TMC8: variants seen among roughly 807,000 people sequenced by gnomAD.
TMC8 encodes the protein transmembrane channel like 8, also known as transmembrane channel-like protein 8.
Under a neutral mutation model 76.0 loss-of-function variants are expected in TMC8, and 71 were observed. That is an observed-to-expected ratio of 0.93 (90% CI 0.77 to 1.14). The LOEUF (loss-of-function observed/expected upper bound fraction) is 1.14, where lower values mean the gene tolerates loss of function less well. TMC8 is among the 50% of genes most tolerant of loss of function. TMC8 has a pLI of 0.00. For missense variants in TMC8, 924 were observed against 947.9 expected, an observed-to-expected ratio of 0.97 and a Z score of 0.33; for synonymous variants, 433 against 433.8, an observed-to-expected ratio of 1.00 and a Z score of 0.02.
At chr17:78,132,708 G>A (rs1346742616) in intron 4 of TMC8, 80 bp from the exon 5 acceptor site, 7 of 1,556,204 alleles carry the variant, frequency 4.5e-6, no homozygotes, top group Non-Finnish European at 6.2e-6. Context: ...CCCCAGGGTT[G>A]GGGGTTATAG....
Position 78,131,623 on chromosome 17 carries a change from C to T in TMC8, c.35C>T (p.Ala12Val), listed in dbSNP as rs748499539. 2.4e-5 allele frequency: 38 copies of T among 1,551,320 alleles called. No homozygotes were observed. The Admixed American group carries it at 6.0e-4, about 25-fold the overall frequency. Residue 12 changes from alanine (A) to valine (V), a missense_variant, in exon 2 of 16, where the codon GCC becomes GTC. Physicochemically the swap from Ala to Val is moderately conservative, Grantham distance 64 (BLOSUM62 0). Transcript: ENST00000318430. ...LLPRSVSSERAPGVPEPEELW... is the reference protein window; with the variant it reads ...LLPRSVSSERVPGVPEPEELW... ...CCGCGGTCGGTGTCATCGGAGCGGG[C>T]CCCTGGGGTGCCGGAGCCGGAGGAG...
In TMC8 at chr17:78,132,513, G is replaced by GT; in HGVS notation, c.448+6dup. On this transcript the variant is annotated splice_donor_region_variant and intron_variant, in intron 4 of 15. Transcript: ENST00000318430. ...CAGGCCCCACCCTGAACTTGAGTGAGTGTGAGGCCCACCAGGGGAAGTGCT... is the reference window on the plus strand; with the variant it reads ...CAGGCCCCACCCTGAACTTGAGTGAGTTGTGAGGCCCACCAGGGGAAGTGCT... 6.2e-7 allele frequency: 1 copy of GT among 1,608,112 alleles called. No homozygotes were observed. Among genetic ancestry groups the GT allele is most frequent in the Non-Finnish European group, 8.5e-7 (1 of 1,178,260 alleles).
At position 78,133,377 on chromosome 17, in the gene TMC8, G is replaced by A. The variant is rs201684604; in HGVS notation, c.532-29G>A. 3.1e-4 allele frequency: 498 copies of A among 1,613,518 alleles called. 3 individuals carry two copies. The African/African-American group carries it at 5.1e-3, about 16-fold the overall frequency. ...CTTGAGCAGAGCCTGGTGCTCACCC[G>A]GGCTGGGTATCTTCGTCGCTGTCCC... On this transcript the variant is annotated intron_variant, in intron 5 of 15. Coordinates refer to ENST00000318430, the MANE Select transcript of TMC8 (RefSeq NM_152468.5).
At chr17:78,137,658 G>T in intron 10 of TMC8, 59 bp from the exon 11 acceptor site, 1 of 1,484,888 alleles carries the variant, frequency 6.7e-7, no homozygotes, top group South Asian at 1.1e-5. Flanking sequence ...AGGAGGCTAA[G>T]GGAAGGAAGG....
intron 14 of TMC8, 140 bp from the exon 15 acceptor site, chr17:78,139,022 C>G (rs1476756948): frequency 1.9e-6 from 3 of 1,566,998 alleles, no homozygotes; most frequent in African/African-American, 2.7e-5. Flanking sequence ...AGAGGAGGGT[C>G]CCATCCTCAG....
Position 78,132,585 on chromosome 17 carries a change from G to A in TMC8, c.448+77G>A, listed in dbSNP as rs11869028. ...GGGGGGCTGGCCCAGGGCCCAGAGC[G>A]TGGCGACAACGCTGGGCGTGGTCCT... On this transcript the variant is annotated intron_variant, in intron 4 of 15. Transcript: ENST00000318430. The A allele has an allele frequency of 9.6e-4, 1,494 of 1,551,586 alleles. 12 individuals carry two copies. In the African/African-American group the frequency reaches 0.017, roughly 18 times the overall value.
chr17:78,140,790 G>C, intron 15 of TMC8, 44 bp from the exon 16 acceptor site: 1 of 1,575,450 alleles, frequency 6.3e-7, no homozygotes, highest in Non-Finnish European at 8.6e-7. Flanking sequence ...ACCCGCTCGT[G>C]GGAAGCAGCG....
chr17:78,136,291 C>G (rs2145686645), intron 9 of TMC8, among the ~76,000 whole-genome samples: 1 of 152,146 alleles, frequency 6.6e-6, no homozygotes, highest in South Asian at 2.1e-4. Context: ...TGGCAAGACC[C>G]CGTCTCTACA....
At chr17:78,139,289 C>T (rs2145723308) in intron 15 of TMC8, 49 bp downstream of exon 15, 1 of 1,604,212 alleles carries the variant, frequency 6.2e-7, no homozygotes, top group African/African-American at 1.3e-5. Context: ...AGTGGAAACC[C>T]TTCCCTATGT....
At position 78,139,383 on chromosome 17, in the gene TMC8, C is replaced by T. The variant is rs149766459; in HGVS notation, c.1902+143C>T. 3.2e-4 allele frequency: 281 copies of T among 883,660 alleles called. 2 individuals carry two copies. The African/African-American group carries it at 3.4e-3, about 11-fold the overall frequency. 54.7% of individuals were successfully genotyped at this position (883,660 alleles called of 1,614,324 possible). ...CGTGGCCTCAGGCTGAGAGTGAAGA[C>T]GGGGAAGGGGAGGAAGAGAACAGCT... On this transcript the variant is annotated intron_variant, in intron 15 of 15. Transcript: ENST00000318430.
chr17:78,136,912 T>G, intron 9 of TMC8: 2 of 358,634 alleles, frequency 5.6e-6, no homozygotes, highest in Non-Finnish European at 5.5e-6. Context: ...AAATACAAAA[T>G]TTAGTCAGAA....
At chr17:78,134,605 CG>C in intron 8 of TMC8, 41 bp downstream of exon 8, 2 of 1,610,264 alleles carry the variant, frequency 1.2e-6, no homozygotes, top group Non-Finnish European at 1.7e-6. Flanking sequence ...GCCAGAACTG[CG>C]GGGGTGAGAC....
intron 7 of TMC8, 136 bp downstream of exon 7, chr17:78,134,136 T>A: frequency 7.4e-7 from 1 of 1,344,736 alleles, no homozygotes; most frequent in Non-Finnish European, 1.1e-6. Flanking sequence ...GGAGGGAGCC[T>A]GTGGGAGCGT....
intron 10 of TMC8, 27 bp from the exon 11 acceptor site, chr17:78,137,690 G>C (rs373138965): frequency 8.1e-6 from 13 of 1,599,886 alleles, no homozygotes; most frequent in Non-Finnish European, 1.1e-5. Flanking sequence ...CGTGAGTGGT[G>C]ACGGGTCCCC....
At position 78,140,961 on chromosome 17, in the gene TMC8, GATGCCC is replaced by G. The variant is rs1228283173; in HGVS notation, c.2037_2042del (p.Cys680_Pro681del). 1.3e-6 allele frequency: 2 copies of G among 1,594,028 alleles called. No individual in the cohort carries two copies. The highest frequency in any genetic ancestry group is 3.5e-5 in the Admixed American group (2 of 56,734). On this transcript the variant is annotated inframe_deletion, in exon 16 of 16. Transcript: ENST00000318430. The stretch of plus-strand genomic sequence containing the variant: ...TCGCGCCCGCAGTCCTTCTGCCCCG[GATGCCC>G]ATGCCCTGGCTCCCCGGGCCACCAG...
chr17:78,138,421 C>T lies in TMC8; in HGVS notation c.1606C>T (p.Leu536=). Residue 536 remains leucine, a synonymous_variant, in exon 13 of 16, where the codon CTA becomes TTA. Transcript: ENST00000318430. ...RASSSTFFFQ[L]VLLLGLLLAA... is the part of the protein sequence containing the mutation. ...CTCCAGCTCCACCTTCTTCTTCCAG[C>T]TAGTGCTCCTCCTGGGCCTGCTTCT... 6.2e-7 allele frequency: 1 copy of T among 1,612,994 alleles called. No individual in the cohort carries two copies. The highest frequency in any genetic ancestry group is 1.1e-5 in the South Asian group (1 of 91,088).
intron 6 of TMC8, 24 bp from the exon 7 acceptor site, chr17:78,133,829 A>T (rs58590476): frequency 1.9e-6 from 3 of 1,612,620 alleles, no homozygotes; most frequent in Non-Finnish European, 2.5e-6. Context: ...CTCCTCCAGC[A>T]GCCCCTGGTC....
intron 4 of TMC8, 22 bp downstream of exon 4, chr17:78,132,530 GGAAGT>G (rs1253891483): frequency 1.2e-6 from 2 of 1,602,506 alleles, no homozygotes; most frequent in Non-Finnish European, 1.7e-6. Flanking sequence ...GCCCACCAGG[GGAAGT>G]GCTCCGGTGC....
In TMC8 at chr17:78,135,946, C is replaced by T. The variant is rs143446658; in HGVS notation, c.1127+937C>T. Among the ~76,000 whole-genome samples, 851 of 152,122 alleles carry T rather than the reference C, an allele frequency of 5.6e-3. 6 individuals are homozygous for T. The highest frequency in any genetic ancestry group is 0.019 in the African/African-American group (783 of 41,484). ...GTGCACACCTGTAATCCCAGCTACC[C>T]GGGAAGCTGAGGCAGGAGAATCACT... On this transcript the variant is annotated intron_variant, in intron 9 of 15. Transcript: ENST00000318430.
Sources: gnomAD v4.1 joint callset for allele counts (sites outside exome capture counted in the v4.1 genomes callset) on GRCh38, gnomAD v4.1.1 for gene constraint, MANE v1.5 for transcripts, NCBI Gene and HGNC (gene_info 2026-07-23, HGNC 2026-07-21) for gene names.